C4orf50: variants seen among roughly 807,000 people sequenced by gnomAD.
C4orf50 encodes the protein chromosome 4 open reading frame 50.
A neutral mutation model predicts 77.2 loss-of-function variants in C4orf50; 80 were observed. The observed-to-expected ratio is 1.04, with a 90% CI of 0.87 to 1.25. The LOEUF (loss-of-function observed/expected upper bound fraction) is 1.25. C4orf50 is among the 50% of genes most tolerant of loss of function. The pLI is 0.00. For synonymous variants in C4orf50, 532 were observed against 465.3 expected, an observed-to-expected ratio of 1.14 and a Z score of -1.84; for missense variants, 1,257 against 1,152.9, an observed-to-expected ratio of 1.09 and a Z score of -1.31.
rs1206754087 is a variant in C4orf50 at position 5,921,494 on chromosome 4, G to A, written c.*2475-23306C>T. On this transcript the variant is annotated intron_variant, in intron 7 of 7. Transcript: ENST00000324058. ...AATGCCGTGAGACAGTGCAGATAAA[G>A]TAACAGAATGCAAAGTTAGAGTTGG... Among the ~76,000 whole-genome samples the A allele has an allele frequency of 3.3e-5, 5 of 152,330 alleles. 1 individual carries two copies. Among genetic ancestry groups the A allele is most frequent in the African/African-American group, 1.2e-4 (5 of 41,572 alleles).
At chr4:5,926,847 A>G (rs771591151) in intron 7 of C4orf50, among the ~76,000 whole-genome samples, 4 of 152,152 alleles carry the variant, frequency 2.6e-5, no homozygotes, top group African/African-American at 7.2e-5. Flanking sequence ...GGGGAACCAA[A>G]GTGGCTCTGC....
intron 7 of C4orf50, among the ~76,000 whole-genome samples, chr4:5,922,872 T>G (rs1717342007): frequency 1.3e-5 from 2 of 152,220 alleles, no homozygotes; most frequent in African/African-American, 2.4e-5. Context: ...CTCCCAACCC[T>G]GTCCCATGGC....
chr4:5,952,519 T>C (rs1367703254), downstream of C4orf50, among the ~76,000 whole-genome samples: 1 of 152,112 alleles, frequency 6.6e-6, no homozygotes, highest in Non-Finnish European at 1.5e-5. This position sits in a 1 kb window ranked among gnomAD's most constrained non-coding sequence, Gnocchi z 4.4. Context: ...GGCGGCACAG[T>C]CAAGGGACCA....
intron 7 of C4orf50, chr4:5,904,364 C>G (rs929715728): frequency 2.6e-5 from 4 of 152,310 alleles, no homozygotes; most frequent in South Asian, 2.1e-4. Context: ...GGCTGCATGC[C>G]TGGGCACTTT....
rs1241569043 is a variant in C4orf50, at chr4:5,908,848, A to G, written c.*2475-10660T>C. ...TTCTCTCACTCTGATCTGTAAATCA[A>G]AGAAGAACCAGCCTGACCTACTTCA... On this transcript the variant is annotated intron_variant, in intron 7 of 7. Coordinates refer to the C4orf50 transcript ENST00000324058. This position sits in a 1 kb window ranked among gnomAD's most constrained non-coding sequence, Gnocchi z 5.6. 6.6e-6 allele frequency among the ~76,000 whole-genome samples: 1 copy of G among 152,146 alleles called. No individual in the cohort carries two copies. Among genetic ancestry groups the G allele is most frequent in the Non-Finnish European group, 1.5e-5 (1 of 68,030 alleles).
intron 7 of C4orf50, among the ~76,000 whole-genome samples, chr4:5,924,688 A>C (rs1211651320): frequency 1.3e-5 from 2 of 151,862 alleles, no homozygotes; most frequent in Non-Finnish European, 2.9e-5. Flanking sequence ...AGGAGGAGGG[A>C]CTCCTGGGCT....
At chr4:5,952,605 C>T (rs1019624949), downstream of C4orf50, among the ~76,000 whole-genome samples, 3 of 152,194 alleles carry the variant, frequency 2.0e-5, no homozygotes, top group Admixed American at 6.5e-5. The surrounding 1 kb of genome is among the most constrained non-coding windows in gnomAD (Gnocchi z 4.4). Flanking sequence ...CTTCCCTCAC[C>T]ACTTCCCGTC....
chr4:6,004,777 CGATGGTGATGGTGGT>C (rs1722177667), intron 25 of C4orf50, among the ~76,000 whole-genome samples: 2 of 100,720 alleles, frequency 2.0e-5, no homozygotes, highest in South Asian at 3.5e-4. Context: ...GTGATGACGG[CGATGGTGATGGTGGT>C]GATGGTGATG....
At chr4:5,939,948 C>T (rs1718191986) in intron 7 of C4orf50, among the ~76,000 whole-genome samples, 1 of 152,232 alleles carries the variant, frequency 6.6e-6, no homozygotes, top group South Asian at 2.1e-4. Context: ...CTCTGCCCCA[C>T]TTTTTGATGT....
In C4orf50 at chr4:5,949,833, A is replaced by G. The variant is rs536399007; in HGVS notation, c.*2474+7068T>C. ...GAAACCCCATCTCTACTAAAAATACAGAACAACTAACCGGGCATGGTGGCG... is the reference window on the plus strand; with the variant it reads ...GAAACCCCATCTCTACTAAAAATACGGAACAACTAACCGGGCATGGTGGCG... On this transcript the variant is annotated intron_variant, in intron 7 of 7. Transcript: ENST00000324058. 1.4e-4 allele frequency among the ~76,000 whole-genome samples: 22 copies of G among 152,270 alleles called. No homozygotes were observed. The South Asian group carries it at 4.2e-3, about 29-fold the overall frequency.
chr4:5,965,631 C>A (rs966682676), intron 32 of C4orf50, among the ~76,000 whole-genome samples: 2 of 152,188 alleles, frequency 1.3e-5, no homozygotes, highest in African/African-American at 2.4e-5. Flanking sequence ...GTGACAGAAG[C>A]AGACCAGCTA....
intron 23 of C4orf50, among the ~76,000 whole-genome samples, chr4:6,012,879 A>G (rs1308551551): frequency 6.6e-6 from 1 of 152,158 alleles, no homozygotes; most frequent in Non-Finnish European, 1.5e-5. Flanking sequence ...TATAATAGAA[A>G]CCATGATACA....
chr4:5,975,358 T>C (rs1304989548), intron 30 of C4orf50, among the ~76,000 whole-genome samples: 1 of 151,552 alleles, frequency 6.6e-6, no homozygotes, highest in East Asian at 1.9e-4. Flanking sequence ...CCCCATCGAG[T>C]GGGAACAGCA....
rs1358473422 is a variant in C4orf50 at position 5,901,791 on chromosome 4, T to C, written c.*2475-3603A>G. The C allele has an allele frequency of 6.6e-6, 1 of 152,256 alleles. No individual in the cohort carries two copies. The highest frequency in any genetic ancestry group is 1.5e-5 in the Non-Finnish European group (1 of 68,068). 9.4% of individuals were successfully genotyped at this position (152,256 alleles called of 1,614,324 possible). On this transcript the variant is annotated intron_variant, in intron 7 of 7. Coordinates refer to the C4orf50 transcript ENST00000324058. The surrounding 1 kb of genome is among the most constrained non-coding windows in gnomAD (Gnocchi z 4.4). ...GCACAGGCTGGCAGGATCACCATGC[T>C]GTCTAAAGGTCTGGGGCCCAAGACA...
downstream of C4orf50, among the ~76,000 whole-genome samples, chr4:5,953,422 G>T (rs1272504491): frequency 3.3e-5 from 5 of 152,228 alleles, no homozygotes; most frequent in Non-Finnish European, 1.5e-5. Flanking sequence ...ACTGCCTTGA[G>T]TCCTTGTCCA....
At chr4:5,950,633 C>T (rs1444710653) in intron 7 of C4orf50, among the ~76,000 whole-genome samples, 1 of 152,234 alleles carries the variant, frequency 6.6e-6, no homozygotes, top group East Asian at 1.9e-4. Context: ...AATGGCACTT[C>T]CTCCAGGACA....
chr4:5,976,008 C>T, intron 29 of C4orf50, 53 bp from the exon 8 acceptor site: 1 of 1,465,146 alleles, frequency 6.8e-7, no homozygotes, highest in South Asian at 1.1e-5. Context: ...TACCACTGTC[C>T]AGAGCTTCCC....
chr4:5,992,266 C>T lies in C4orf50; in HGVS notation c.1221+537G>A, dbSNP rs540177018. Among the ~76,000 whole-genome samples the T allele has an allele frequency of 3.3e-5, 5 of 152,320 alleles. No individual in the cohort carries two copies. Among genetic ancestry groups the T allele is most frequent in the South Asian group, 4.1e-4 (2 of 4,822 alleles). ...CTATTTACAACCACACAACCACAGC[C>T]GGGCTCGCGGGTCCCAGCACAGCTC... On this transcript the variant is annotated intron_variant, in intron 27 of 33. Coordinates refer to ENST00000531445, the Ensembl canonical transcript of C4orf50. The surrounding 1 kb of genome is among the most constrained non-coding windows in gnomAD (Gnocchi z 5.0).
chr4:6,006,434 C>T (rs1406184668), intron 25 of C4orf50, among the ~76,000 whole-genome samples: 1 of 152,186 alleles, frequency 6.6e-6, no homozygotes, highest in African/African-American at 2.4e-5. Flanking sequence ...AAACTTTGGA[C>T]TCTCATCAAA....
Sources: gnomAD v4.1 joint callset for allele counts (sites outside exome capture counted in the v4.1 genomes callset) on GRCh38, gnomAD v4.1.1 for gene constraint, Gnocchi (gnomAD v3.1) non-coding constraint, MANE v1.5 for transcripts, NCBI Gene and HGNC (gene_info 2026-07-23, HGNC 2026-07-21) for gene names.